Variants in PLXDC2 observed in about 807,000 individuals in gnomAD.
The protein encoded by PLXDC2 is plexin domain-containing protein 2.
Under a neutral mutation model 68.9 loss-of-function variants are expected in PLXDC2, and 40 were observed. The observed-to-expected ratio is 0.58, with a 90% CI of 0.45 to 0.76. PLXDC2 has a LOEUF of 0.76. Among genes scored for constraint, PLXDC2 ranks in the 30% least tolerant of loss-of-function variants. The pLI, the probability that PLXDC2 is intolerant of heterozygous loss-of-function variation, is 0.00. For missense variants in PLXDC2, 644 were observed against 661.9 expected, an observed-to-expected ratio of 0.97 and a Z score of 0.30; for synonymous variants, 243 against 234.2, an observed-to-expected ratio of 1.04 and a Z score of -0.34.
At chr10:19,820,572 T>G (rs1347048102) in intron 1 of PLXDC2, among the ~76,000 whole-genome samples, 19 of 149,078 alleles carry the variant, frequency 1.3e-4, no homozygotes, top group African/African-American at 4.5e-4. Context: ...AAGCGGAGCT[T>G]GCAGTGAGCC....
intron 7 of PLXDC2, among the ~76,000 whole-genome samples, chr10:20,170,919 T>G (rs2131820802): frequency 6.6e-6 from 1 of 152,086 alleles, no homozygotes; most frequent in South Asian, 2.1e-4. Context: ...AACATTATTC[T>G]TATTTCTTCT....
chr10:20,175,671 A>C (rs1454509251), intron 7 of PLXDC2, among the ~76,000 whole-genome samples: 1 of 152,156 alleles, frequency 6.6e-6, no homozygotes, highest in Admixed American at 6.6e-5. Flanking sequence ...TTTACAAAAA[A>C]TAAGGACAAA....
intron 1 of PLXDC2, among the ~76,000 whole-genome samples, chr10:19,908,382 T>C (rs1408365664): frequency 2.0e-5 from 3 of 152,170 alleles, no homozygotes; most frequent in Non-Finnish European, 4.4e-5. Flanking sequence ...ACCTAATTGA[T>C]CAAAATATCA....
At chr10:19,980,733 A>G (rs1834537706) in intron 1 of PLXDC2, among the ~76,000 whole-genome samples, 1 of 152,198 alleles carries the variant, frequency 6.6e-6, no homozygotes, top group African/African-American at 2.4e-5. Flanking sequence ...TCCTAAAGGC[A>G]CTAACCTTAT....
intron 1 of PLXDC2, among the ~76,000 whole-genome samples, chr10:19,897,453 C>T (rs1231050550): frequency 2.0e-5 from 3 of 152,006 alleles, no homozygotes; most frequent in Non-Finnish European, 4.4e-5. Flanking sequence ...CCACGTTAGT[C>T]AGGCTGGTCT....
At chr10:19,904,727 G>A (rs765648273) in intron 1 of PLXDC2, among the ~76,000 whole-genome samples, 1 of 152,176 alleles carries the variant, frequency 6.6e-6, no homozygotes, top group Non-Finnish European at 1.5e-5. Flanking sequence ...TTGACATGCT[G>A]CTCTGTCTGT....
chr10:20,216,251 T>C (rs1306702929), intron 10 of PLXDC2, among the ~76,000 whole-genome samples: 1 of 152,126 alleles, frequency 6.6e-6, no homozygotes, highest in Non-Finnish European at 1.5e-5. Flanking sequence ...AGAATTGGAG[T>C]TCGCAGGTAC....
intron 4 of PLXDC2, among the ~76,000 whole-genome samples, chr10:20,106,978 T>TAA (rs1370646952): frequency 2.0e-5 from 3 of 150,118 alleles, no homozygotes; most frequent in Non-Finnish European, 3.0e-5. Context: ...TAAACTCCTT[T>TAA]ATCCTTTATA....
chr10:19,825,027 A>G (rs1385461712), intron 1 of PLXDC2, among the ~76,000 whole-genome samples: 1 of 152,124 alleles, frequency 6.6e-6, no homozygotes, highest in African/African-American at 2.4e-5. Context: ...AACCAGATCT[A>G]AGCGCTGGTA....
intron 1 of PLXDC2, among the ~76,000 whole-genome samples, chr10:19,892,574 T>C (rs1837983983): frequency 6.6e-6 from 1 of 152,230 alleles, no homozygotes; most frequent in South Asian, 2.1e-4. Flanking sequence ...GGCATATTGA[T>C]TGCTGTAAAT....
chr10:20,246,547 G>GCCATGTTGGCCAGA (rs1206431457), intron 13 of PLXDC2, among the ~76,000 whole-genome samples: 21 of 152,252 alleles, frequency 1.4e-4, no homozygotes, highest in Non-Finnish European at 2.6e-4. Context: ...ATGGGGCTTT[G>GCCATGTTGGCCAGA]CCATGTTGGC....
intron 13 of PLXDC2, among the ~76,000 whole-genome samples, chr10:20,253,100 C>T (rs1369507753): frequency 1.3e-5 from 2 of 151,986 alleles, no homozygotes; most frequent in Non-Finnish European, 2.9e-5. Context: ...TGCGGTGGCT[C>T]ATGCCTGTAA....
At position 20,216,238 on chromosome 10, in the gene PLXDC2, A is replaced by G. The variant is rs116355011; in HGVS notation, c.1123-1188A>G. On this transcript the variant is annotated intron_variant, in intron 10 of 13. Coordinates refer to ENST00000377252, the MANE Select transcript of PLXDC2 (RefSeq NM_032812.9). The stretch of plus-strand genomic sequence containing the variant: ...AGGCTTTCTAAGTAGTCAAAGAATA[A>G]GAAGAATTGGAGTTCGCAGGTACAG... Among the ~76,000 whole-genome samples the G allele has an allele frequency of 4.5e-3, 688 of 152,358 alleles. 4 individuals carry two copies. Among genetic ancestry groups the G allele is most frequent in the African/African-American group, 0.015 (609 of 41,590 alleles).
intron 13 of PLXDC2, among the ~76,000 whole-genome samples, chr10:20,277,038 G>C (rs187393975): frequency 6.6e-6 from 1 of 151,768 alleles, no homozygotes; most frequent in African/African-American, 2.4e-5. Flanking sequence ...GGTGAAACCC[G>C]TCTCTACTAA....
intron 1 of PLXDC2, among the ~76,000 whole-genome samples, chr10:19,927,933 T>C (rs1388306424): frequency 6.6e-6 from 1 of 152,064 alleles, no homozygotes; most frequent in East Asian, 1.9e-4. Context: ...AGGTAGTTTT[T>C]CATCCCTCAC....
chr10:19,842,596 T>C (rs1836930470), intron 1 of PLXDC2, among the ~76,000 whole-genome samples: 1 of 152,184 alleles, frequency 6.6e-6, no homozygotes, highest in African/African-American at 2.4e-5. Flanking sequence ...TGAACATCTT[T>C]ATAAGTAACA....
chr10:19,875,179 TG>T (rs1837610709), intron 1 of PLXDC2, among the ~76,000 whole-genome samples: 1 of 152,204 alleles, frequency 6.6e-6, no homozygotes, highest in Non-Finnish European at 1.5e-5. Context: ...ATGTAGGAAG[TG>T]GTGCAGAAGG....
At chr10:19,972,525 G>T (rs968079716) in intron 1 of PLXDC2, among the ~76,000 whole-genome samples, 1 of 152,062 alleles carries the variant, frequency 6.6e-6, no homozygotes, top group Non-Finnish European at 1.5e-5. Flanking sequence ...GAAATAATTT[G>T]TACAGCAAAT....
intron 12 of PLXDC2, among the ~76,000 whole-genome samples, chr10:20,228,209 G>A (rs1835311727): frequency 6.6e-6 from 1 of 152,148 alleles, no homozygotes; most frequent in African/African-American, 2.4e-5. Flanking sequence ...GGCATCAGCA[G>A]CGTATAAATG....
Sources: gnomAD v4.1 joint callset for allele counts (sites outside exome capture counted in the v4.1 genomes callset) on GRCh38, gnomAD v4.1.1 for gene constraint, MANE v1.5 for transcripts, NCBI Gene and HGNC (gene_info 2026-07-23, HGNC 2026-07-21) for gene names.